The following C1QTNF8 variants were observed in gnomAD, a reference collection of about 807,000 sequenced individuals.
C1QTNF8 encodes the protein C1q and TNF related 8.
Under a neutral mutation model 19.2 loss-of-function variants are expected in C1QTNF8, and 27 were observed. That is an observed-to-expected ratio of 1.41 (90% confidence interval 1.04 to 1.94). The LOEUF (loss-of-function observed/expected upper bound fraction) is 1.94, where lower values mean the gene tolerates loss of function less well. C1QTNF8 is among the 30% of genes most tolerant of loss of function. C1QTNF8 has a pLI of 0.00. For synonymous variants in C1QTNF8, 208 were observed against 172.8 expected (o/e 1.20, Z -1.60); for missense variants, 484 against 374.4 (o/e 1.29, Z -2.42).
Position 1,093,873 on chromosome 16 carries a change from GCTGTGCAGGCC to G in C1QTNF8, c.376_386del (p.Gly126LeufsTer245). The G allele has an allele frequency of 6.3e-7, 1 of 1,597,278 alleles. No homozygotes were observed. The highest frequency in any genetic ancestry group is 8.5e-7 in the Non-Finnish European group (1 of 1,176,736). On this transcript the variant is annotated frameshift_variant, in exon 4 of 5. Coordinates refer to ENST00000328449, the MANE Select transcript of C1QTNF8 (RefSeq NM_207419.3). LOFTEE classifies it high-confidence loss of function. ...AGGGCACCGCCTGGAAGTGGTCGGAGCTGTGCAGGCCCTCGCGCCGGCCCACGGAGAAGGCG... is the reference window on the plus strand; with the variant it reads ...AGGGCACCGCCTGGAAGTGGTCGGAGCTCGCGCCGGCCCACGGAGAAGGCG...
intron 4 of C1QTNF8, among the ~76,000 whole-genome samples, chr16:1,091,989 G>C (rs1263068109): frequency 6.6e-6 from 1 of 152,222 alleles, no homozygotes; most frequent in South Asian, 2.1e-4. Context: ...TCCTCAGCAA[G>C]GGTGCCTGGC....
rs185433596 is a variant in C1QTNF8, at chr16:1,088,859, C to T, written c.*1740G>A. On this transcript the variant is annotated 3_prime_UTR_variant, in exon 5 of 5. Coordinates refer to ENST00000328449, the MANE Select transcript of C1QTNF8 (RefSeq NM_207419.3). ...TCCGCAGCTGCAACTACCTATAGGC[C>T]ACGGCGACGTCTGTGCGGGGAGGTC... Among the ~76,000 whole-genome samples the T allele has an allele frequency of 1.6e-3, 237 of 152,318 alleles. 9 individuals carry two copies. The highest frequency in any genetic ancestry group is 0.015 in the Admixed American group (233 of 15,296).
rs1292468360 is a variant in C1QTNF8 at position 1,094,016 on chromosome 16, C to T, written c.244G>A (p.Gly82Ser). The change falls in exon 4 of 5, where the codon GGC (glycine) becomes AGC (serine). Residue 82 changes from glycine to serine, a missense_variant. Physicochemically the swap from Gly to Ser is moderately conservative, Grantham distance 56. Coordinates refer to ENST00000328449, the MANE Select transcript of C1QTNF8 (RefSeq NM_207419.3). ...KGEAGVRGRA[G>S]RSGKEGPPGA... ...GGCGGCCCCTCTTTCCCGCTCCTGC[C>T]GGCCCGACCTCGGACGCCGGCCTCA... The T allele has an allele frequency of 3.4e-6, 5 of 1,484,274 alleles. No homozygotes were observed. In the Admixed American group the frequency reaches 1.0e-4, roughly 30 times the overall value. The allele number at this position is 1,484,274 out of a possible 1,614,324, so 91.9% of individuals were successfully genotyped here.
rs1960650641 is a variant in C1QTNF8, at chr16:1,094,825, G to A, written c.98C>T (p.Ala33Val). ...CCGGGCATAGGGTCCAGGGGGCCAGGCCGGGCGGCAGCAGTGCACACAGGG... is the reference window on the plus strand; with the variant it reads ...CCGGGCATAGGGTCCAGGGGGCCAGACCGGGCGGCAGCAGTGCACACAGGG... Reference protein sequence around the residue: ...RRPCVHCCRPAWPPGPYARVS... With the variant: ...RRPCVHCCRPVWPPGPYARVS... The change falls in exon 3 of 5, where the codon GCC becomes GTC. Residue 33 changes from alanine (A) to valine (V), a missense_variant. By Grantham distance (64) the Ala-to-Val change is moderately conservative (BLOSUM62 0). Coordinates refer to ENST00000328449, the MANE Select transcript of C1QTNF8 (RefSeq NM_207419.3). 24 of 1,474,644 alleles carry A rather than the reference G, an allele frequency of 1.6e-5. No homozygotes were observed. The highest frequency in any genetic ancestry group is 2.0e-5 in the Non-Finnish European group (22 of 1,112,300). 91.3% of individuals were successfully genotyped at this position (1,474,644 alleles called of 1,614,324 possible). A position where few individuals can be genotyped will look rare whatever the true frequency, so the allele number is the denominator to read the frequency against.
At chr16:1,092,378 A>ACT (rs1960564995) in intron 4 of C1QTNF8, among the ~76,000 whole-genome samples, 2 of 105,770 alleles carry the variant, frequency 1.9e-5, no homozygotes, top group Admixed American at 1.0e-4. Context: ...CAGTCGGGGC[A>ACT]CAACCAATCC....
In C1QTNF8 at chr16:1,088,444, T is replaced by C. The variant is rs61182367; in HGVS notation, c.*2155A>G. 6.6e-6 allele frequency among the ~76,000 whole-genome samples: 1 copy of C among 152,168 alleles called. No homozygotes were observed. The highest frequency in any genetic ancestry group is 2.4e-5 in the African/African-American group (1 of 41,422). On this transcript the variant is annotated 3_prime_UTR_variant, in exon 5 of 5. Coordinates refer to ENST00000328449, the MANE Select transcript of C1QTNF8 (RefSeq NM_207419.3). The stretch of plus-strand genomic sequence containing the variant: ...GCGGTTCTGATGGGGTGGCTCCCCC[T>C]TGTCTCCTAAGTGGCCAGGGCAGCA...
intron 4 of C1QTNF8, among the ~76,000 whole-genome samples, chr16:1,091,408 G>A (rs1960541320): frequency 6.6e-6 from 1 of 152,168 alleles, no homozygotes. Flanking sequence ...CTGGGCCGGA[G>A]GGGCTGGGAA....
In C1QTNF8 at chr16:1,093,496, CCCGGCT is replaced by C. The variant is rs1960607519; in HGVS notation, c.758_*4del. On this transcript the variant is annotated stop_lost and splice_region_variant and 3_prime_UTR_variant, in exon 4 of 5. Coordinates refer to ENST00000328449, the MANE Select transcript of C1QTNF8 (RefSeq NM_207419.3). ...CGGTGCTCAGCCGCGGGGCCCCTCA[CCCGGCT>C]ACAGCTCGGCGGCCGGCTTGACCAG... The C allele has an allele frequency of 6.6e-7, 1 of 1,518,602 alleles. No individual in the cohort carries two copies. The highest frequency in any genetic ancestry group is 1.4e-5 in the African/African-American group (1 of 71,306). 94.1% of individuals were successfully genotyped at this position (1,518,602 alleles called of 1,614,324 possible).
Position 1,094,877 on chromosome 16 carries a change from C to T in C1QTNF8, c.46G>A (p.Gly16Arg). 7.2e-7 allele frequency: 1 copy of T among 1,395,160 alleles called. No individual in the cohort carries two copies. The highest frequency in any genetic ancestry group is 9.3e-7 in the Non-Finnish European group (1 of 1,069,924). 86.4% of individuals were successfully genotyped at this position (1,395,160 alleles called of 1,614,324 possible). ...CTCCTGGGCAGCCCGGGCCAGGCCC[C>T]CACGGGCAGCAGCAGTGCTAGGAGC... ...LLLLALLLPV[G>R]AWPGLPRRPC... Residue 16 changes from glycine (G) to arginine (R), a missense_variant, in exon 3 of 5, where the codon GGG becomes AGG. Coordinates refer to ENST00000328449, the MANE Select transcript of C1QTNF8 (RefSeq NM_207419.3).
In C1QTNF8 at chr16:1,093,695, C is replaced by T. The variant is rs756390863; in HGVS notation, c.565G>A (p.Ala189Thr). Residue 189 changes from alanine to threonine, a missense_variant, in exon 4 of 5, where the codon GCG becomes ACG. By Grantham distance (58) the Ala-to-Thr change is moderately conservative (BLOSUM62 0). Coordinates refer to ENST00000328449, the MANE Select transcript of C1QTNF8 (RefSeq NM_207419.3). Reference sequence around the variant, plus strand: ...CTGGGCTGCGCGTAGAGCACGGCCGCGGGCCGCCGGTTCAGCATGATGTGC... The same window carrying T: ...CTGGGCTGCGCGTAGAGCACGGCCGTGGGCCGCCGGTTCAGCATGATGTGC... Reference protein sequence around the residue: ...YLHIMLNRRPAAVLYAQPSER... With the variant: ...YLHIMLNRRPTAVLYAQPSER... 3 of 1,611,414 alleles carry T rather than the reference C, an allele frequency of 1.9e-6. No individual in the cohort carries two copies. Among genetic ancestry groups the T allele is most frequent in the South Asian group, 1.1e-5 (1 of 91,050 alleles).
intron 2 of C1QTNF8, among the ~76,000 whole-genome samples, chr16:1,095,164 T>C (rs1335158671): frequency 6.6e-6 from 1 of 152,208 alleles, no homozygotes; most frequent in African/African-American, 2.4e-5. Flanking sequence ...CGGGGAGTCC[T>C]GGTCCCCAAA....
intron 4 of C1QTNF8, among the ~76,000 whole-genome samples, chr16:1,092,625 GGCGCTC>G (rs1960574883): frequency 2.1e-5 from 2 of 96,408 alleles, no homozygotes; most frequent in African/African-American, 1.0e-4. Context: ...GCACACAGTC[GGCGCTC>G]AACCAATCAC....
chr16:1,095,053 T>C (rs1019973025), intron 2 of C1QTNF8, 120 bp from the exon 3 acceptor site: 1 of 441,186 alleles, frequency 2.3e-6, no homozygotes, highest in African/African-American at 2.0e-5. Flanking sequence ...CGGGAGCTTC[T>C]GCCTGGGCAC....
rs1422282240 is a variant in C1QTNF8 at position 1,094,906 on chromosome 16, AG to A, written c.16del (p.Leu6CysfsTer4). The A allele has an allele frequency of 7.5e-7, 1 of 1,329,932 alleles. No homozygotes were observed. The highest frequency in any genetic ancestry group is 1.5e-5 in the African/African-American group (1 of 65,714). The allele number at this position is 1,329,932 out of a possible 1,614,324, so 82.4% of individuals were successfully genotyped here. On this transcript the variant is annotated frameshift_variant, in exon 3 of 5. Transcript: ENST00000328449. LOFTEE classifies it high-confidence loss of function. Reference protein sequence around the residue: MAAPALLLLALLLPVG... With the variant: MAAPAXLLLALLLPVG... Reference sequence around the variant, plus strand: ...GGGCAGCAGCAGTGCTAGGAGCAGCAGGGCGGGGGCTGCCATCTTGGCCAGG... The same window carrying A: ...GGGCAGCAGCAGTGCTAGGAGCAGCAGGCGGGGGCTGCCATCTTGGCCAGG...
At chr16:1,091,385 G>A (rs967057955) in intron 4 of C1QTNF8, among the ~76,000 whole-genome samples, 3 of 152,148 alleles carry the variant, frequency 2.0e-5, no homozygotes, top group Non-Finnish European at 4.4e-5. Context: ...AGGAGGAGGC[G>A]GTGCGTGGGA....
Position 1,093,974 on chromosome 16 carries a change from G to T in C1QTNF8, c.286C>A (p.Gln96Lys), listed in dbSNP as rs767517569. ...TGCCCCTTCTGGCCTCTGCGGCCCTGCAGGCCCCGGGCGCCTGGCGGCCCC... is the reference window on the plus strand; with the variant it reads ...TGCCCCTTCTGGCCTCTGCGGCCCTTCAGGCCCCGGGCGCCTGGCGGCCCC... ...KEGPPGARGL[Q>K]GRRGQKGQVG... The change falls in exon 4 of 5, where the codon CAG (glutamine) becomes AAG (lysine). Residue 96 changes from glutamine (Q) to lysine (K), a missense_variant. Transcript: ENST00000328449. The T allele has an allele frequency of 6.8e-7, 1 of 1,470,056 alleles. No individual in the cohort carries two copies. Among genetic ancestry groups the T allele is most frequent in the Non-Finnish European group, 8.9e-7 (1 of 1,126,000 alleles). The allele number at this position is 1,470,056 out of a possible 1,614,324, so 91.1% of individuals were successfully genotyped here.
rs767494154 is a variant in C1QTNF8 at position 1,093,731 on chromosome 16, C to A, written c.529G>T (p.Glu177Ter). ...SLNVHTWNYK[E>*]TYLHIMLNRR... ...TTCAGCATGATGTGCAGGTAGGTCTCCTTGTAGTTCCAGGTGTGCACGTTG... is the reference window on the plus strand; with the variant it reads ...TTCAGCATGATGTGCAGGTAGGTCTACTTGTAGTTCCAGGTGTGCACGTTG... The change falls in exon 4 of 5, where the codon GAG (glutamate) becomes TAG (stop). Residue 177 changes from glutamate to a stop codon, truncating the protein, a stop_gained. Transcript: ENST00000328449. LOFTEE classifies it high-confidence loss of function. 3.7e-6 allele frequency: 6 copies of A among 1,612,170 alleles called. No individual in the cohort carries two copies. In the Admixed American group the frequency reaches 6.7e-5, roughly 18 times the overall value.
In C1QTNF8 at chr16:1,093,913, T is replaced by C; in HGVS notation, c.347A>G (p.Tyr116Cys). The C allele has an allele frequency of 6.5e-7, 1 of 1,541,070 alleles. No homozygotes were observed. Reference sequence around the variant, plus strand: ...GCGCCGGCCCACGGAGAAGGCGGCGTAGGCACGTCGGCACGCGGCGCCCGG... The same window carrying C: ...GCGCCGGCCCACGGAGAAGGCGGCGCAGGCACGTCGGCACGCGGCGCCCGG... ...GPPGAACRRA[Y>C]AAFSVGRREG... is the part of the protein sequence containing the mutation. The change falls in exon 4 of 5, where the codon TAC (tyrosine) becomes TGC (cysteine). Residue 116 changes from tyrosine (Y) to cysteine (C), a missense_variant. Coordinates refer to ENST00000328449, the MANE Select transcript of C1QTNF8 (RefSeq NM_207419.3).
chr16:1,093,605 C>A lies in C1QTNF8; in HGVS notation c.655G>T (p.Val219Leu), dbSNP rs116934818. The A allele has an allele frequency of 0.019, 30,349 of 1,603,364 alleles. 356 individuals carry two copies. Among genetic ancestry groups the A allele is most frequent in the Middle Eastern group, 0.039 (228 of 5,876 alleles). ...TCCCGGTCGCGCTGGAACATGCGCA[C>A]CCAGACGGCGTCGCCCGCCGCCAGC... ...LLLAAGDAVW[V>L]RMFQRDRDNA... Residue 219 changes from valine (V) to leucine (L), a missense_variant, in exon 4 of 5, where the codon GTG (valine) becomes TTG (leucine). Transcript: ENST00000328449.
Sources: allele counts gnomAD v4.1 joint callset (sites outside exome capture counted in the v4.1 genomes callset), GRCh38; gene constraint gnomAD v4.1.1; transcripts MANE v1.5; gene names NCBI Gene and HGNC (gene_info 2026-07-23, HGNC 2026-07-21).